Variants in CPNE1 observed in about 807,000 individuals in gnomAD.
CPNE1 encodes copine 1, also known as copine-1.
A neutral mutation model predicts 63.2 loss-of-function variants in CPNE1; 58 were observed. That is an observed-to-expected ratio of 0.92 (90% CI 0.74 to 1.14). The LOEUF (loss-of-function observed/expected upper bound fraction) is 1.14, where lower values mean the gene tolerates loss of function less well. CPNE1 is among the 50% of genes most tolerant of loss of function. The pLI is 0.00. For synonymous variants in CPNE1, 237 were observed against 249.0 expected (o/e 0.95, Z 0.45); for missense variants, 672 against 661.7 (o/e 1.02, Z -0.17).
At position 35,627,280 on chromosome 20, in the gene CPNE1, C is replaced by G. The variant is rs753375834; in HGVS notation, c.1236G>C (p.Ser412=). ...TGCCACTGCCACCCACGACTCTCAC[C>G]GAGGCAGTCCCCTGATGTGCAGCCT... ...AAQAAHQGTA[S]QYFMLLLLTD... is the part of the protein sequence containing the mutation. Residue 412 remains serine, a splice_region_variant and synonymous_variant, in exon 14 of 16, where the codon TCG becomes TCC. Transcript: ENST00000397443. The G allele has an allele frequency of 1.2e-6, 2 of 1,613,132 alleles. No individual in the cohort carries two copies. Among genetic ancestry groups the G allele is most frequent in the African/African-American group, 1.3e-5 (1 of 74,736 alleles).
Position 35,631,803 on chromosome 20 carries a change from G to A in CPNE1, c.538-26C>T, listed in dbSNP as rs768410717. The A allele has an allele frequency of 1.9e-6, 3 of 1,586,834 alleles. No homozygotes were observed. In the South Asian group the frequency reaches 3.3e-5, roughly 18 times the overall value. On this transcript the variant is annotated intron_variant, in intron 6 of 15. Coordinates refer to ENST00000397443, the MANE Select transcript of CPNE1 (RefSeq NM_152925.3). ...CTGAAGGTGGAGGCCAAGGCCTCCA[G>A]TGAGCTCTGGCATGGCCCCCTGAGG...
intron 1 of CPNE1, among the ~76,000 whole-genome samples, chr20:35,657,556 G>C (rs1218938763): frequency 6.6e-6 from 1 of 152,202 alleles, no homozygotes; most frequent in Admixed American, 6.5e-5. Context: ...CAGGGCTAAA[G>C]TGACATACAC....
Position 35,626,635 on chromosome 20 carries a change from G to A in CPNE1, c.1405C>T (p.His469Tyr). Residue 469 changes from histidine (H) to tyrosine (Y), a missense_variant, in exon 15 of 16, where the codon CAT becomes TAT. His to Tyr is a moderately conservative substitution (Grantham distance 83, BLOSUM62 2). Coordinates refer to ENST00000397443, the MANE Select transcript of CPNE1 (RefSeq NM_152925.3). ...EQLDADGGPLHTRSGQAAARD... is the reference protein window; with the variant it reads ...EQLDADGGPLYTRSGQAAARD... ...GCAGCAGCCTGCCCAGAACGTGTAT[G>A]CAGGGGTCCACCATCAGCGTCCAGC... 2 of 1,614,196 alleles carry A rather than the reference G, an allele frequency of 1.2e-6. No individual in the cohort carries two copies. The highest frequency in any genetic ancestry group is 2.7e-5 in the African/African-American group (2 of 75,052).
Position 35,653,264 on chromosome 20 carries a change from G to C in CPNE1, c.-1+11496C>G, listed in dbSNP as rs760829517. On this transcript the variant is annotated intron_variant, in intron 1 of 15. Coordinates refer to ENST00000397443, the MANE Select transcript of CPNE1 (RefSeq NM_152925.3). ...GCACTGGGCATTCCCGCACCAGGCA[G>C]TCCTGCACTGGTTATTGCTGAACCA... The C allele has an allele frequency of 2.5e-6, 4 of 1,613,254 alleles. No individual in the cohort carries two copies. The South Asian group carries it at 4.4e-5, about 18-fold the overall frequency.
chr20:35,654,599 A>ACATGGGTGGCAGTGGGGT, intron 1 of CPNE1: 3 of 1,614,216 alleles, frequency 1.9e-6, no homozygotes, highest in East Asian at 4.5e-5. Flanking sequence ...GGCATGCCCG[A>ACATGGGTGGCAGTGGGGT]CATGGGTGGC....
intron 1 of CPNE1, among the ~76,000 whole-genome samples, chr20:35,642,084 G>T (rs1568922164): frequency 6.6e-6 from 1 of 152,162 alleles, no homozygotes; most frequent in Non-Finnish European, 1.5e-5. Flanking sequence ...CTGCTACAAG[G>T]GAGTAACTTG....
intron 1 of CPNE1, chr20:35,653,394 C>A: frequency 1.5e-5 from 24 of 1,614,154 alleles, no homozygotes; most frequent in Non-Finnish European, 2.0e-5. Flanking sequence ...GATTACCTGG[C>A]ACAGGCATCT....
At position 35,632,700 on chromosome 20, in the gene CPNE1, T is replaced by C. The variant is rs761959612; in HGVS notation, c.130-4A>G. On this transcript the variant is annotated splice_region_variant and splice_polypyrimidine_tract_variant and intron_variant, in intron 2 of 15. Coordinates refer to ENST00000397443, the MANE Select transcript of CPNE1 (RefSeq NM_152925.3). ...GCACCCGTTCAGTCCGGCCAAGCTG[T>C]GGGCAGAGGCCAGTAAGCATCACAG... The C allele has an allele frequency of 2.3e-5, 22 of 946,562 alleles. 1 individual carries two copies. In the South Asian group the frequency reaches 2.4e-4, roughly 10 times the overall value. The allele number at this position is 946,562 out of a possible 1,614,324, so 58.6% of individuals were successfully genotyped here.
intron 1 of CPNE1, among the ~76,000 whole-genome samples, chr20:35,663,139 T>C (rs897950866): frequency 5.9e-5 from 9 of 152,224 alleles, no homozygotes; most frequent in African/African-American, 9.6e-5. Flanking sequence ...TCTTCCCAAC[T>C]TTTTATACTC....
chr20:35,627,187 C>CAACAAAAAAAA (rs2031806974), intron 14 of CPNE1, 93 bp downstream of exon 14: 1 of 485,186 alleles, frequency 2.1e-6, no homozygotes, highest in Non-Finnish European at 2.8e-6. Flanking sequence ...GAGTCCATCT[C>CAACAAAAAAAA]AAAAAAAAAA....
chr20:35,652,620 C>T, intron 1 of CPNE1: 1 of 1,614,168 alleles, frequency 6.2e-7, no homozygotes, highest in Non-Finnish European at 8.5e-7. Context: ...CAAAGGCCAC[C>T]ATGGCTTCAC....
At chr20:35,630,362 C>A (rs943942251) in intron 13 of CPNE1, 77 bp downstream of exon 13, 3 of 1,114,044 alleles carry the variant, frequency 2.7e-6, no homozygotes, top group Non-Finnish European at 4.0e-6. Context: ...TATCTGCCCC[C>A]ACTCTCCCTT....
chr20:35,658,048 AAAAG>A (rs1455933134), intron 1 of CPNE1, among the ~76,000 whole-genome samples: 3 of 152,056 alleles, frequency 2.0e-5, no homozygotes, highest in Non-Finnish European at 4.4e-5. Context: ...CTCTGTCTCA[AAAAG>A]AAATAAATAA....
In CPNE1 at chr20:35,626,721, T is replaced by C. The variant is rs2031770084; in HGVS notation, c.1319A>G (p.Asn440Ser). 1.9e-6 allele frequency: 3 copies of C among 1,614,076 alleles called. No individual in the cohort carries two copies. Among genetic ancestry groups the C allele is most frequent in the Middle Eastern group, 3.3e-4 (2 of 6,062 alleles). Residue 440 changes from asparagine (N) to serine (S), a missense_variant, in exon 15 of 16, where the codon AAC becomes AGC. Asn to Ser is a conservative substitution (Grantham distance 46). Coordinates refer to ENST00000397443, the MANE Select transcript of CPNE1 (RefSeq NM_152925.3). The part of the protein sequence containing the change: ...ATREAVVRAS[N>S]LPMSVIIVGV... ...CACAATGATCACTGACATGGGCAGG[T>C]TCGAGGCACGCACCACAGCCTCACG...
chr20:35,639,923 CT>C (rs2032710181), intron 1 of CPNE1, among the ~76,000 whole-genome samples: 2 of 152,086 alleles, frequency 1.3e-5, no homozygotes, highest in African/African-American at 2.4e-5. Context: ...GGACTAAATC[CT>C]TTTTCAGTTT....
At chr20:35,659,952 T>A (rs1601494005) in intron 1 of CPNE1, among the ~76,000 whole-genome samples, 1 of 152,360 alleles carries the variant, frequency 6.6e-6, no homozygotes, top group East Asian at 1.9e-4. Flanking sequence ...ATGATGCTCA[T>A]CTTAAATTAG....
rs757709412 is a variant in CPNE1, at chr20:35,626,375, G to A, written c.1480C>T (p.Arg494Trp). Residue 494 changes from arginine (R) to tryptophan (W), a missense_variant, in exon 16 of 16, where the codon CGG becomes TGG. Transcript: ENST00000397443. ...AGCACGGTCTGTGCCAATGCCTCCCGAGGGGCCTGCCAAGAAAAGGGAAAA... is the reference window on the plus strand; with the variant it reads ...AGCACGGTCTGTGCCAATGCCTCCCAAGGGGCCTGCCAAGAAAAGGGAAAA... ...VPYRRFQNAP[R>W]EALAQTVLAE... The A allele has an allele frequency of 1.7e-5, 27 of 1,613,752 alleles. No homozygotes were observed. The highest frequency in any genetic ancestry group is 1.2e-4 in the Admixed American group (7 of 60,000).
intron 15 of CPNE1, 41 bp downstream of exon 15, chr20:35,626,526 G>A (rs375996989): frequency 1.2e-6 from 2 of 1,601,232 alleles, no homozygotes; most frequent in African/African-American, 2.7e-5. Context: ...TCAGGGAAAG[G>A]TGAAAGGGTA....
intron 1 of CPNE1, among the ~76,000 whole-genome samples, chr20:35,634,409 C>CAT (rs1274612679): frequency 1.3e-5 from 2 of 151,482 alleles, no homozygotes; most frequent in Non-Finnish European, 2.9e-5. Context: ...GCCTGACCAA[C>CAT]ATGGTGAAAC....
Sources: gnomAD v4.1 joint callset for allele counts (sites outside exome capture counted in the v4.1 genomes callset) on GRCh38, gnomAD v4.1.1 for gene constraint, MANE v1.5 for transcripts, NCBI Gene and HGNC (gene_info 2026-07-23, HGNC 2026-07-21) for gene names.